The following ROBO2 variants were observed in gnomAD, a reference collection of about 807,000 sequenced individuals.
ROBO2 encodes the protein roundabout guidance receptor 2, also known as roundabout homolog 2.
In ROBO2, 53 loss-of-function variants were observed where a neutral mutation model predicts 160.8. The ratio of observed to expected loss-of-function variants is 0.33; its 90% confidence interval spans 0.26 to 0.41. The LOEUF (loss-of-function observed/expected upper bound fraction) is 0.41. ROBO2 is among the 10% of genes least tolerant of loss of function. The pLI, the probability that ROBO2 is intolerant of heterozygous loss-of-function variation, is 1.00. For missense variants in ROBO2, 1,577 were observed against 1,722.4 expected, an observed-to-expected ratio of 0.92 and a Z score of 1.49; for synonymous variants, 664 against 611.7, an observed-to-expected ratio of 1.09 and a Z score of -1.26.
chr3:77,198,268 G>A (rs963089741), intron 2 of ROBO2, among the ~76,000 whole-genome samples: 8 of 152,142 alleles, frequency 5.3e-5, no homozygotes, highest in Non-Finnish European at 8.8e-5. Context: ...AGAATAGCAG[G>A]AAGGCCTGGT....
At chr3:76,966,643 A>C (rs1307845524) in intron 2 of ROBO2, among the ~76,000 whole-genome samples, 1 of 152,186 alleles carries the variant, frequency 6.6e-6, no homozygotes, top group Non-Finnish European at 1.5e-5. Flanking sequence ...GAGTGGGTTC[A>C]AGTCCTAAGT....
At chr3:76,424,468 G>A (rs1466104594) in intron 2 of ROBO2, among the ~76,000 whole-genome samples, 2 of 152,104 alleles carry the variant, frequency 1.3e-5, no homozygotes, top group African/African-American at 2.4e-5. Context: ...TAAACACATA[G>A]AAGCAGAGAG....
At chr3:77,110,621 T>C (rs1221357018) in intron 2 of ROBO2, among the ~76,000 whole-genome samples, 2 of 149,818 alleles carry the variant, frequency 1.3e-5, no homozygotes, top group Non-Finnish European at 3.0e-5. Context: ...TACAGTTAAA[T>C]GTAAGGCATA....
At chr3:77,033,428 G>A (rs1387432725) in intron 2 of ROBO2, among the ~76,000 whole-genome samples, 3 of 152,078 alleles carry the variant, frequency 2.0e-5, no homozygotes, top group African/African-American at 7.2e-5. Flanking sequence ...TCAGAATGAG[G>A]GCTGGTATCC....
intron 2 of ROBO2, among the ~76,000 whole-genome samples, chr3:76,390,761 G>A (rs1173888652): frequency 1.3e-5 from 2 of 152,098 alleles, no homozygotes; most frequent in African/African-American, 2.4e-5. Context: ...TTGAGAAAAT[G>A]TTGGTCTTGC....
chr3:76,439,389 A>G (rs1577195531), intron 2 of ROBO2, among the ~76,000 whole-genome samples: 1 of 147,604 alleles, frequency 6.8e-6, no homozygotes, highest in Non-Finnish European at 1.5e-5. Context: ...GGAAAACAGA[A>G]ACAAATGTAA....
In ROBO2 at chr3:76,399,480, A is replaced by G. The variant is rs560260312; in HGVS notation, c.109+461878A>G. ...AAACTATACTATGATGTGAGAATAC[A>G]TGCCTGCTTTAGTACCCCTAAGAGC... On this transcript the variant is annotated intron_variant, in intron 2 of 26. Transcript: ENST00000487694. 2.6e-5 allele frequency among the ~76,000 whole-genome samples: 4 copies of G among 151,922 alleles called. No individual in the cohort carries two copies. The South Asian group carries it at 6.2e-4, about 24-fold the overall frequency.
chr3:77,206,727 A>G (rs1327347077), intron 2 of ROBO2, among the ~76,000 whole-genome samples: 1 of 152,150 alleles, frequency 6.6e-6, no homozygotes, highest in East Asian at 1.9e-4. Flanking sequence ...GCATGAAATT[A>G]ATTTAGTAGT....
At chr3:77,033,860 T>A (rs2063469096) in intron 2 of ROBO2, among the ~76,000 whole-genome samples, 1 of 152,070 alleles carries the variant, frequency 6.6e-6, no homozygotes, top group Non-Finnish European at 1.5e-5. Context: ...TATTTACACT[T>A]TATATTTCTG....
intron 2 of ROBO2, among the ~76,000 whole-genome samples, chr3:76,216,522 A>T (rs1032888290): frequency 2.6e-5 from 4 of 152,328 alleles, no homozygotes; most frequent in Admixed American, 6.5e-5. Flanking sequence ...AGTCTCTGAT[A>T]AAACAGACTT....
At chr3:76,417,222 G>A (rs1017351407) in intron 2 of ROBO2, among the ~76,000 whole-genome samples, 2 of 152,190 alleles carry the variant, frequency 1.3e-5, no homozygotes, top group African/African-American at 4.8e-5. Flanking sequence ...ACCTAACTCA[G>A]TGTACTCATT....
At chr3:77,602,059 G>T in intron 19 of ROBO2, 151 bp from the exon 21 acceptor site, 1 of 784,066 alleles carries the variant, frequency 1.3e-6, no homozygotes, top group African/African-American at 1.7e-5. Flanking sequence ...GGCGATGGTT[G>T]TATATCATCT....
intron 2 of ROBO2, among the ~76,000 whole-genome samples, chr3:77,293,049 A>T (rs2061509568): frequency 6.6e-6 from 1 of 150,832 alleles, no homozygotes. Context: ...TGATGGTTAA[A>T]TGGGTAAGCT....
intron 2 of ROBO2, among the ~76,000 whole-genome samples, chr3:77,277,157 C>CTTCTTTCTTTCCTTCT: frequency 1.1e-5 from 1 of 88,138 alleles, no homozygotes; most frequent in South Asian, 4.6e-4. Flanking sequence ...TCCTTCTTTC[C>CTTCTTTCTTTCCTTCT]TTCTTTCTTT....
chr3:77,015,093 CA>C (rs2062155809), intron 2 of ROBO2, among the ~76,000 whole-genome samples: 1 of 151,828 alleles, frequency 6.6e-6, no homozygotes, highest in Non-Finnish European at 1.5e-5. Context: ...CATTTCTAGC[CA>C]GTGTTTCAGG....
chr3:77,613,123 T>C (rs188647714), intron 21 of ROBO2, among the ~76,000 whole-genome samples: 6 of 152,242 alleles, frequency 3.9e-5, no homozygotes, highest in East Asian at 1.9e-4. Context: ...ATTTGATTAA[T>C]AAAAATGAAT....
chr3:75,938,469 A>G (rs1168484969), intron 2 of ROBO2, among the ~76,000 whole-genome samples: 1 of 152,040 alleles, frequency 6.6e-6, no homozygotes, highest in Non-Finnish European at 1.5e-5. Context: ...TTTTGGGGCA[A>G]GTATATTTGG....
intron 21 of ROBO2, among the ~76,000 whole-genome samples, chr3:77,615,167 A>T (rs899651245): frequency 2.2e-4 from 33 of 152,092 alleles, no homozygotes; most frequent in African/African-American, 7.2e-4. Context: ...CCAAAAAAAT[A>T]AATTAAGAGT....
intron 2 of ROBO2, among the ~76,000 whole-genome samples, chr3:77,229,198 G>A (rs1044906338): frequency 6.6e-6 from 1 of 151,984 alleles, no homozygotes; most frequent in East Asian, 1.9e-4. Context: ...GCTATGTATC[G>A]TTTTGAGATT....
Sources: allele counts gnomAD v4.1 joint callset (sites outside exome capture counted in the v4.1 genomes callset), GRCh38; gene constraint gnomAD v4.1.1; transcripts MANE v1.5; gene names NCBI Gene and HGNC (gene_info 2026-07-23, HGNC 2026-07-21).